Variants in BABAM2 observed in about 807,000 individuals in gnomAD.
BABAM2 encodes BRISC and BRCA1 A complex member 2, also known as BRISC and BRCA1-A complex member 2.
Under a neutral mutation model 54.7 loss-of-function variants are expected in BABAM2, and 31 were observed. The observed-to-expected ratio is 0.57, with a 90% CI of 0.43 to 0.77. The LOEUF (loss-of-function observed/expected upper bound fraction) is 0.77. BABAM2 is among the 30% of genes least tolerant of loss of function. BABAM2 has a pLI of 0.00. For missense variants in BABAM2, 364 were observed against 455.8 expected (o/e 0.80, Z 1.83); for synonymous variants, 167 against 162.9 (o/e 1.03, Z -0.19).
intron 4 of BABAM2, 69 bp from the exon 5 acceptor site, chr2:28,025,157 T>C: frequency 1.4e-6 from 2 of 1,379,898 alleles, no homozygotes; most frequent in Non-Finnish European, 2.0e-6. Context: ...CATTGATGTG[T>C]GAATGTGATA....
At chr2:28,279,660 CTTTT>C (rs59747836) in intron 10 of BABAM2, among the ~76,000 whole-genome samples, 3 of 100,298 alleles carry the variant, frequency 3.0e-5, no homozygotes, top group African/African-American at 4.4e-5. Flanking sequence ...AGCTCAAAGG[CTTTT>C]TTTTTTTTTT....
chr2:28,166,152 A>C (rs1304370635), intron 7 of BABAM2, among the ~76,000 whole-genome samples: 1 of 152,160 alleles, frequency 6.6e-6, no homozygotes, highest in African/African-American at 2.4e-5. Context: ...CAGCCTCTAC[A>C]GTTGTGAGAA....
chr2:28,313,741 G>A (rs1251815810), intron 11 of BABAM2, among the ~76,000 whole-genome samples: 1 of 152,182 alleles, frequency 6.6e-6, no homozygotes, highest in Non-Finnish European at 1.5e-5. Flanking sequence ...AAACGTGTAA[G>A]AGCTCACTAT....
chr2:27,994,552 G>C (rs72812549), intron 4 of BABAM2, among the ~76,000 whole-genome samples: 1 of 151,972 alleles, frequency 6.6e-6, no homozygotes, highest in Non-Finnish European at 1.5e-5. Context: ...TTTGATCTTC[G>C]TACAAATGAA....
intron 7 of BABAM2, among the ~76,000 whole-genome samples, chr2:28,226,469 G>C (rs1388012351): frequency 6.6e-6 from 1 of 152,096 alleles, no homozygotes; most frequent in East Asian, 1.9e-4. Context: ...AGAATAATGA[G>C]GTTATAAAAG....
At chr2:28,125,525 T>A (rs1669447533) in intron 6 of BABAM2, among the ~76,000 whole-genome samples, 2 of 152,116 alleles carry the variant, frequency 1.3e-5, no homozygotes, top group African/African-American at 2.4e-5. Flanking sequence ...ACTCCTGACC[T>A]CAGGTAATCC....
At chr2:27,983,426 T>C (rs1672161023) in intron 3 of BABAM2, among the ~76,000 whole-genome samples, 2 of 152,142 alleles carry the variant, frequency 1.3e-5, no homozygotes, top group African/African-American at 4.8e-5. Context: ...TTTAAATATT[T>C]CTTTGGCTAT....
intron 7 of BABAM2, among the ~76,000 whole-genome samples, chr2:28,185,200 A>G (rs1326167230): frequency 2.0e-5 from 3 of 152,140 alleles, no homozygotes; most frequent in Admixed American, 1.3e-4. Flanking sequence ...TTAAAACCCC[A>G]TTTCTTATCT....
At chr2:28,025,130 A>G (rs1005636967) in intron 4 of BABAM2, 96 bp from the exon 5 acceptor site, 10 of 1,139,334 alleles carry the variant, frequency 8.8e-6, no homozygotes, top group Admixed American at 5.3e-5. Flanking sequence ...TTAGATTTCT[A>G]TTACTCTTTT....
At chr2:28,126,048 G>A (rs560529875) in intron 6 of BABAM2, among the ~76,000 whole-genome samples, 63 of 152,320 alleles carry the variant, frequency 4.1e-4, no homozygotes, top group Non-Finnish European at 6.6e-4. Flanking sequence ...GTGGGGGTGA[G>A]AGAGGGGTGG....
At chr2:27,993,752 A>G (rs958503623) in intron 4 of BABAM2, among the ~76,000 whole-genome samples, 3 of 152,142 alleles carry the variant, frequency 2.0e-5, no homozygotes, top group Non-Finnish European at 4.4e-5. Flanking sequence ...TACTGCAGGT[A>G]TTGGTCACTG....
At chr2:28,118,331 C>T (rs1273772312) in intron 6 of BABAM2, among the ~76,000 whole-genome samples, 1 of 152,220 alleles carries the variant, frequency 6.6e-6, no homozygotes, top group Non-Finnish European at 1.5e-5. Flanking sequence ...ATTTACATTC[C>T]CATCAACAGT....
intron 3 of BABAM2, among the ~76,000 whole-genome samples, chr2:27,962,895 A>T (rs983829474): frequency 1.3e-5 from 2 of 152,226 alleles, no homozygotes; most frequent in African/African-American, 4.8e-5. Context: ...AAAGAATATT[A>T]TCCACGAGAC....
chr2:28,187,590 T>C (rs576338607), intron 7 of BABAM2, among the ~76,000 whole-genome samples: 1 of 152,238 alleles, frequency 6.6e-6, no homozygotes, highest in East Asian at 1.9e-4. Context: ...CCTCTGGCTT[T>C]TACCAAAAGA....
At chr2:28,003,226 G>A (rs900128927) in intron 4 of BABAM2, among the ~76,000 whole-genome samples, 2 of 152,156 alleles carry the variant, frequency 1.3e-5, no homozygotes, top group East Asian at 3.8e-4. Flanking sequence ...GACCATGTCT[G>A]CCATCCTGCT....
chr2:28,287,342 C>T (rs978419666), intron 10 of BABAM2, among the ~76,000 whole-genome samples: 5 of 152,114 alleles, frequency 3.3e-5, no homozygotes, highest in African/African-American at 1.2e-4. Context: ...TGACTCAATT[C>T]TTTTAAAAAT....
At chr2:27,938,163 A>C (rs1012991974) in intron 3 of BABAM2, among the ~76,000 whole-genome samples, 1 of 152,168 alleles carries the variant, frequency 6.6e-6, no homozygotes, top group African/African-American at 2.4e-5. Context: ...AGCAACCTTA[A>C]ATCTATTGTA....
intron 7 of BABAM2, among the ~76,000 whole-genome samples, chr2:28,224,440 T>C (rs1458020347): frequency 6.6e-6 from 1 of 152,230 alleles, no homozygotes; most frequent in Non-Finnish European, 1.5e-5. Flanking sequence ...ACCCCTGACT[T>C]GCTGCCAGTA....
intron 6 of BABAM2, among the ~76,000 whole-genome samples, chr2:28,072,249 T>G (rs888195478): frequency 6.6e-6 from 1 of 152,110 alleles, no homozygotes; most frequent in Non-Finnish European, 1.5e-5. Context: ...CTTGGCTTAC[T>G]GCAACCTTCG....
Sources: allele counts gnomAD v4.1 joint callset (sites outside exome capture counted in the v4.1 genomes callset), GRCh38; gene constraint gnomAD v4.1.1; transcripts MANE v1.5; gene names NCBI Gene and HGNC (gene_info 2026-07-23, HGNC 2026-07-21).